The following LRP1B variants were observed in gnomAD, a reference collection of about 807,000 sequenced individuals.
LRP1B encodes the protein low-density lipoprotein receptor-related protein 1B.
In LRP1B, 217 loss-of-function variants were observed where a neutral mutation model predicts 556.6. That is an observed-to-expected ratio of 0.39 (90% CI 0.35 to 0.44). The LOEUF (loss-of-function observed/expected upper bound fraction) is 0.44, where lower values mean the gene tolerates loss of function less well. LRP1B is among the 20% of genes least tolerant of loss of function. The probability of loss-of-function intolerance (pLI) is 1.00; values close to 1 mark genes in which losing one functional copy is unlikely to be tolerated. For synonymous variants in LRP1B, 2,047 were observed against 1,865.8 expected (o/e 1.10, Z -2.50); for missense variants, 5,053 against 5,620.8 (o/e 0.90, Z 3.23).
At chr2:140,810,033 A>G (rs561857201) in intron 32 of LRP1B, among the ~76,000 whole-genome samples, 1 of 152,372 alleles carries the variant, frequency 6.6e-6, no homozygotes, top group South Asian at 2.1e-4. Context: ...TATTAAAAGG[A>G]GAAATAGCAA....
intron 60 of LRP1B, among the ~76,000 whole-genome samples, chr2:140,467,034 C>A (rs2105336638): frequency 6.6e-6 from 1 of 152,236 alleles, no homozygotes; most frequent in East Asian, 1.9e-4. Context: ...AAAATGAAAT[C>A]TCTAAGCTAA....
At chr2:141,981,759 A>C (rs1224809600) in intron 1 of LRP1B, among the ~76,000 whole-genome samples, 1 of 152,078 alleles carries the variant, frequency 6.6e-6, no homozygotes, top group Non-Finnish European at 1.5e-5. Flanking sequence ...TTTGCATTTA[A>C]GTGTGGCCAT....
intron 35 of LRP1B, among the ~76,000 whole-genome samples, chr2:140,735,537 G>A (rs1687917944): frequency 6.6e-6 from 1 of 152,112 alleles, no homozygotes; most frequent in African/African-American, 2.4e-5. Flanking sequence ...CTAAAACCAG[G>A]GACCTGGTTG....
chr2:141,912,953 TC>T (rs1699942541), intron 1 of LRP1B, among the ~76,000 whole-genome samples: 1 of 152,210 alleles, frequency 6.6e-6, no homozygotes, highest in Admixed American at 6.5e-5. Context: ...TTATGAAGGC[TC>T]CTGTGTCATG....
intron 7 of LRP1B, among the ~76,000 whole-genome samples, chr2:141,139,988 TA>T (rs1701602787): frequency 6.6e-6 from 1 of 152,018 alleles, no homozygotes; most frequent in East Asian, 1.9e-4. Context: ...GGTATATATG[TA>T]AAATGAAATA....
intron 1 of LRP1B, among the ~76,000 whole-genome samples, chr2:141,913,360 A>G (rs1488936344): frequency 1.3e-5 from 2 of 152,186 alleles, no homozygotes; most frequent in East Asian, 1.9e-4. Context: ...AAGGCATTAA[A>G]TAACATAAAT....
intron 2 of LRP1B, among the ~76,000 whole-genome samples, chr2:141,712,666 T>C (rs1277251852): frequency 1.3e-5 from 2 of 151,886 alleles, no homozygotes; most frequent in Non-Finnish European, 2.9e-5. Context: ...TTATTATCTG[T>C]CCTTTTTTTT....
At chr2:141,363,216 C>T (rs962918829) in intron 3 of LRP1B, among the ~76,000 whole-genome samples, 3 of 152,162 alleles carry the variant, frequency 2.0e-5, no homozygotes, top group African/African-American at 7.2e-5. Context: ...CCAATCTTAA[C>T]CATTCTTCAA....
chr2:140,507,031 A>T, intron 52 of LRP1B, 113 bp from the exon 53 acceptor site: 1 of 1,133,346 alleles, frequency 8.8e-7, no homozygotes, highest in Non-Finnish European at 1.2e-6. Flanking sequence ...AGTTACTGAG[A>T]AAAAGAAAAC....
intron 73 of LRP1B, among the ~76,000 whole-genome samples, chr2:140,358,556 G>A (rs1682349302): frequency 6.6e-6 from 1 of 151,504 alleles, no homozygotes; most frequent in African/African-American, 2.4e-5. Flanking sequence ...TTTAAACAAG[G>A]AGCATTTAAA....
rs190553186 is a variant in LRP1B at position 141,843,729 on chromosome 2, A to G, written c.83-33328T>C. On this transcript the variant is annotated intron_variant, in intron 1 of 90. Transcript: ENST00000389484. The stretch of plus-strand genomic sequence containing the variant: ...TATTTCCCAATATAACAGTTTAACA[A>G]GACGGCAAAGCATATTCCATTGTGC... Among the ~76,000 whole-genome samples, 10 of 152,284 alleles carry G rather than the reference A, an allele frequency of 6.6e-5. No homozygotes were observed. The East Asian group carries it at 1.4e-3, about 21-fold the overall frequency.
chr2:141,608,139 G>A (rs1825304), intron 2 of LRP1B, among the ~76,000 whole-genome samples: 99,131 of 151,906 alleles, frequency 0.65, 34,983 homozygotes, highest in Non-Finnish European at 0.79. Flanking sequence ...CAGGAGAATC[G>A]CTTGAACCCG....
intron 2 of LRP1B, among the ~76,000 whole-genome samples, chr2:141,779,386 T>A (rs1429654482): frequency 6.6e-6 from 1 of 151,978 alleles, no homozygotes; most frequent in Non-Finnish European, 1.5e-5. Context: ...CAAAATGTAA[T>A]GTGATTATAG....
At chr2:140,622,840 TAAG>T (rs934666506) in intron 41 of LRP1B, among the ~76,000 whole-genome samples, 18 of 152,208 alleles carry the variant, frequency 1.2e-4, no homozygotes, top group South Asian at 2.1e-4. Context: ...GATCAGTTTT[TAAG>T]AAGCATCTTA....
chr2:141,740,435 A>G (rs1462442787), intron 2 of LRP1B, among the ~76,000 whole-genome samples: 1 of 152,160 alleles, frequency 6.6e-6, no homozygotes, highest in African/African-American at 2.4e-5. Flanking sequence ...TATAATTGTA[A>G]CTTTTAACAT....
intron 3 of LRP1B, among the ~76,000 whole-genome samples, chr2:141,347,142 C>A (rs2105529872): frequency 6.6e-6 from 1 of 152,088 alleles, no homozygotes; most frequent in Non-Finnish European, 1.5e-5. Flanking sequence ...GTATAAGTTA[C>A]TTTTTGGGTT....
chr2:141,027,082 T>G (rs1343244490), intron 11 of LRP1B, among the ~76,000 whole-genome samples: 1 of 152,012 alleles, frequency 6.6e-6, no homozygotes, highest in Non-Finnish European at 1.5e-5. Flanking sequence ...AAGTTTAACC[T>G]AGGCAAAGTT....
intron 35 of LRP1B, among the ~76,000 whole-genome samples, chr2:140,748,091 G>GAA (rs1688378562): frequency 2.6e-5 from 1 of 38,068 alleles, no homozygotes; most frequent in African/African-American, 1.1e-4. Context: ...AAAGTCCTAT[G>GAA]AATATATATA....
chr2:141,873,747 G>A (rs540229617), intron 1 of LRP1B, among the ~76,000 whole-genome samples: 3 of 151,814 alleles, frequency 2.0e-5, no homozygotes, highest in African/African-American at 4.8e-5. Context: ...AATACATTTG[G>A]GGGCAAGAAA....
Sources: gnomAD v4.1 joint callset for allele counts (sites outside exome capture counted in the v4.1 genomes callset) on GRCh38, gnomAD v4.1.1 for gene constraint, MANE v1.5 for transcripts, NCBI Gene and HGNC (gene_info 2026-07-23, HGNC 2026-07-21) for gene names.